The following PRPSAP1 variants were observed in gnomAD, a reference collection of about 807,000 sequenced individuals.
The protein encoded by PRPSAP1 is phosphoribosyl pyrophosphate synthetase associated protein 1, also known as phosphoribosyl pyrophosphate synthase-associated protein 1.
A neutral mutation model predicts 39.4 loss-of-function variants in PRPSAP1; 31 were observed. That is an observed-to-expected ratio of 0.79 (90% CI 0.59 to 1.06). The LOEUF (loss-of-function observed/expected upper bound fraction) is 1.06, where lower values mean the gene tolerates loss of function less well. Among genes scored for constraint, PRPSAP1 ranks in the 50% least tolerant of loss-of-function variants. PRPSAP1 has a pLI of 0.00. For synonymous variants in PRPSAP1, 212 were observed against 192.6 expected (o/e 1.10, Z -0.83); for missense variants, 430 against 511.6 (o/e 0.84, Z 1.54).
At chr17:76,349,566 G>A (rs1178625507) in intron 1 of PRPSAP1, among the ~76,000 whole-genome samples, 1 of 151,826 alleles carries the variant, frequency 6.6e-6, no homozygotes, top group Non-Finnish European at 1.5e-5. Context: ...TTCGAGACCA[G>A]CCTAACTAAT....
At chr17:76,318,738 A>G (rs1308142238) in intron 7 of PRPSAP1, among the ~76,000 whole-genome samples, 3 of 152,178 alleles carry the variant, frequency 2.0e-5, no homozygotes, top group Non-Finnish European at 1.5e-5. Context: ...TGAAAGTTGC[A>G]ATGTAAACAT....
At chr17:76,314,172 T>A (rs2071097025) in intron 7 of PRPSAP1, 3 of 431,206 alleles carry the variant, frequency 7.0e-6, no homozygotes, top group Non-Finnish European at 1.3e-5. Flanking sequence ...TCCCAAAATA[T>A]TATAATTTCA....
chr17:76,324,161 T>C (rs959203837), intron 7 of PRPSAP1, among the ~76,000 whole-genome samples: 5 of 147,904 alleles, frequency 3.4e-5, no homozygotes, highest in African/African-American at 1.3e-4. Flanking sequence ...AAAAAGAAAG[T>C]AGTTCTTTCT....
At chr17:76,345,909 ATCT>A in intron 2 of PRPSAP1, 3 of 432,426 alleles carry the variant, frequency 6.9e-6, no homozygotes, top group South Asian at 5.3e-5. Flanking sequence ...CACAGAGAAG[ATCT>A]GTGAGGCTGT....
At chr17:76,331,957 T>C (rs2071326154) in intron 4 of PRPSAP1, among the ~76,000 whole-genome samples, 1 of 151,956 alleles carries the variant, frequency 6.6e-6, no homozygotes, top group African/African-American at 2.4e-5. Flanking sequence ...GACCTGAAGA[T>C]CAAAAGATCA....
intron 3 of PRPSAP1, among the ~76,000 whole-genome samples, chr17:76,341,537 T>C (rs1222107305): frequency 6.6e-6 from 1 of 152,182 alleles, no homozygotes; most frequent in Non-Finnish European, 1.5e-5. Context: ...TCACTGTACC[T>C]GGCCAACAAG....
In PRPSAP1 at chr17:76,311,526, G is replaced by T; in HGVS notation, c.*16C>A. The T allele has an allele frequency of 1.2e-6, 2 of 1,611,642 alleles. No homozygotes were observed. Among genetic ancestry groups the T allele is most frequent in the South Asian group, 1.1e-5 (1 of 90,700 alleles). On this transcript the variant is annotated 3_prime_UTR_variant, in exon 10 of 10. Transcript: ENST00000446526. ...TGTTTCCCTCAGGAGGTCCAGGGTC[G>T]AGACCCTCGTGAAAGCTAGTCATCC...
chr17:76,348,667 G>A, intron 1 of PRPSAP1, 86 bp from the exon 2 acceptor site: 1 of 993,686 alleles, frequency 1.0e-6, no homozygotes, highest in Non-Finnish European at 1.4e-6. Context: ...CTAATAAAAA[G>A]ACTCAAATAA....
intron 6 of PRPSAP1, 44 bp from the exon 7 acceptor site, chr17:76,328,906 C>T (rs2071285224): frequency 1.3e-6 from 2 of 1,565,750 alleles, no homozygotes; most frequent in Admixed American, 3.8e-5. Flanking sequence ...GGAAGAAATC[C>T]CACGCATCAC....
intron 3 of PRPSAP1, among the ~76,000 whole-genome samples, chr17:76,340,041 G>A (rs2071418845): frequency 6.6e-6 from 1 of 151,242 alleles, no homozygotes; most frequent in African/African-American, 2.5e-5. Flanking sequence ...TAAGACGGTG[G>A]GTGCTGAGAC....
intron 6 of PRPSAP1, 28 bp from the exon 7 acceptor site, chr17:76,328,890 C>CTGACAGGA: frequency 6.3e-7 from 1 of 1,586,178 alleles, no homozygotes. Flanking sequence ...AATGGTGAAA[C>CTGACAGGA]TGACAGGAAG....
At chr17:76,328,989 A>G (rs1160654021) in intron 6 of PRPSAP1, 127 bp from the exon 7 acceptor site, 2 of 1,154,400 alleles carry the variant, frequency 1.7e-6, no homozygotes, top group African/African-American at 1.6e-5. Flanking sequence ...TTATTTATAT[A>G]AATGAGAATG....
At chr17:76,327,572 G>A (rs2071267800) in intron 7 of PRPSAP1, among the ~76,000 whole-genome samples, 1 of 151,940 alleles carries the variant, frequency 6.6e-6, no homozygotes, top group Non-Finnish European at 1.5e-5. Flanking sequence ...AGAATTGCTT[G>A]AACCCGGGAG....
intron 3 of PRPSAP1, among the ~76,000 whole-genome samples, chr17:76,338,110 C>T (rs1448570514): frequency 6.6e-6 from 1 of 152,000 alleles, no homozygotes; most frequent in East Asian, 1.9e-4. Context: ...TTTGCCATTT[C>T]CAAAAATTAA....
At chr17:76,320,325 A>AGGG (rs2071178900) in intron 7 of PRPSAP1, among the ~76,000 whole-genome samples, 1 of 126,886 alleles carries the variant, frequency 7.9e-6, no homozygotes, top group Non-Finnish European at 1.6e-5. Flanking sequence ...GGAAGGGAAG[A>AGGG]AGGGAGGGAG....
chr17:76,327,989 G>T (rs2071271172), intron 7 of PRPSAP1, among the ~76,000 whole-genome samples: 1 of 151,850 alleles, frequency 6.6e-6, no homozygotes, highest in Non-Finnish European at 1.5e-5. Context: ...TTCAAAACCA[G>T]CCTGGGCAAT....
chr17:76,324,195 G>A (rs1218178479), intron 7 of PRPSAP1, among the ~76,000 whole-genome samples: 3 of 151,310 alleles, frequency 2.0e-5, no homozygotes, highest in Non-Finnish European at 4.4e-5. Flanking sequence ...CTATCAAACA[G>A]ATCATTTTGT....
chr17:76,312,350 T>G (rs572642850), intron 9 of PRPSAP1, among the ~76,000 whole-genome samples: 25 of 151,530 alleles, frequency 1.6e-4, no homozygotes, highest in Non-Finnish European at 3.2e-4. Context: ...GACAGGAGAA[T>G]CGTTTGAACC....
intron 7 of PRPSAP1, among the ~76,000 whole-genome samples, chr17:76,326,298 G>A (rs2143487744): frequency 6.6e-6 from 1 of 152,226 alleles, no homozygotes; most frequent in South Asian, 2.1e-4. Context: ...GTCAATAATT[G>A]ATTCAGGCAA....
Sources: gnomAD v4.1 joint callset for allele counts (sites outside exome capture counted in the v4.1 genomes callset) on GRCh38, gnomAD v4.1.1 for gene constraint, MANE v1.5 for transcripts, NCBI Gene and HGNC (gene_info 2026-07-23, HGNC 2026-07-21) for gene names.